DDA1: variants seen among roughly 807,000 people sequenced by gnomAD.
DDA1 encodes DET1 and DDB1 associated 1.
Under a neutral mutation model 18.6 loss-of-function variants are expected in DDA1, and 3 were observed. The ratio of observed to expected loss-of-function variants is 0.16; its 90% confidence interval spans 0.07 to 0.42. The LOEUF is 0.42. DDA1 is among the 10% of genes least tolerant of loss of function. The pLI is 0.99. For missense variants in DDA1, 105 were observed against 138.2 expected, an observed-to-expected ratio of 0.76 and a Z score of 1.20; for synonymous variants, 52 against 54.0, an observed-to-expected ratio of 0.96 and a Z score of 0.17.
chr19:17,309,687 C>A lies in DDA1; in HGVS notation c.3+30C>A, dbSNP rs78265621. The A allele has an allele frequency of 3.7e-3, 5,901 of 1,610,576 alleles. 18 individuals are homozygous for A. The highest frequency in any genetic ancestry group is 4.4e-3 in the Non-Finnish European group (5,232 of 1,178,030). The stretch of plus-strand genomic sequence containing the variant: ...GGATGGCCTCCAGGCCCCCACTCCC[C>A]CTCTGCTAGACAAAATGGCGCTGTG... On this transcript the variant is annotated intron_variant, in intron 1 of 4. Transcript: ENST00000359866.
intron 4 of DDA1, among the ~76,000 whole-genome samples, chr19:17,317,237 C>T (rs973239587): frequency 1.3e-5 from 2 of 151,052 alleles, no homozygotes; most frequent in Non-Finnish European, 3.0e-5. Context: ...ATACCGGGCG[C>T]GGTGGCTCAT....
chr19:17,319,723 T>C lies in DDA1; in HGVS notation c.*67T>C. 1 of 1,450,888 alleles carries C rather than the reference T, an allele frequency of 6.9e-7. No homozygotes were observed. The highest frequency in any genetic ancestry group is 9.4e-7 in the Non-Finnish European group (1 of 1,063,378). 89.9% of individuals were successfully genotyped at this position (1,450,888 alleles called of 1,614,324 possible). ...CGGTCGCCCACCCGCCTGCCCGCCA[T>C]GTGTAAGCACCCCGCCCGCCCGCCT... is the stretch of plus-strand genomic sequence containing the variant. On this transcript the variant is annotated 3_prime_UTR_variant, in exon 5 of 5. Transcript: ENST00000359866.
intron 3 of DDA1, 190 bp from the exon 4 acceptor site, chr19:17,315,744 C>G (rs1031487858): frequency 3.0e-6 from 2 of 664,672 alleles, no homozygotes; most frequent in South Asian, 3.5e-5. Context: ...GAGCCGGGAC[C>G]CTGAAAGCAG....
intron 3 of DDA1, among the ~76,000 whole-genome samples, chr19:17,315,348 CGCT>C (rs1568354066): frequency 2.2e-3 from 159 of 71,428 alleles, no homozygotes; most frequent in South Asian, 6.9e-3. Context: ...TATATATACA[CGCT>C]ATATATATAC....
chr19:17,316,809 C>G (rs762120921), intron 4 of DDA1, among the ~76,000 whole-genome samples: 13 of 151,868 alleles, frequency 8.6e-5, no homozygotes, highest in Non-Finnish European at 1.9e-4. Context: ...ACCTGGGAGG[C>G]GGAGCTTGCA....
At position 17,315,432 on chromosome 19, in the gene DDA1, ATATATATATATATATATATATAT is replaced by A. The variant is rs1357261740; in HGVS notation, c.137-499_137-477del. Among the ~76,000 whole-genome samples the A allele has an allele frequency of 8.1e-3, 501 of 61,734 alleles. 11 individuals carry two copies. The highest frequency in any genetic ancestry group is 0.011 in the Non-Finnish European group (296 of 26,286). 40.5% of individuals were successfully genotyped at this position (61,734 alleles called of 152,430 possible). On this transcript the variant is annotated intron_variant, in intron 3 of 4. Coordinates refer to ENST00000359866, the MANE Select transcript of DDA1 (RefSeq NM_024050.6). ...TACGTGTGTGTGTGTGTGTGTGCAT[ATATATATATATATATATATATAT>A]TAGCCGGGCGTGGTGGCATGCATCT...
intron 3 of DDA1, among the ~76,000 whole-genome samples, chr19:17,315,573 G>GCT (rs2145675620): frequency 6.6e-6 from 1 of 151,806 alleles, no homozygotes; most frequent in Non-Finnish European, 1.5e-5. Flanking sequence ...GTGAGACCCT[G>GCT]CTCTTAAAGC....
Sources: gnomAD v4.1 joint callset for allele counts (sites outside exome capture counted in the v4.1 genomes callset) on GRCh38, gnomAD v4.1.1 for gene constraint, MANE v1.5 for transcripts, NCBI Gene and HGNC (gene_info 2026-07-23, HGNC 2026-07-21) for gene names.